The following RNF212 variants were observed in gnomAD, a reference collection of about 807,000 sequenced individuals.
RNF212 encodes the protein probable E3 SUMO-protein ligase RNF212.
Under a neutral mutation model 34.7 loss-of-function variants are expected in RNF212, and 33 were observed. The ratio of observed to expected loss-of-function variants is 0.95; its 90% CI spans 0.72 to 1.27. The LOEUF is 1.27. RNF212 is among the 50% of genes most tolerant of loss of function. The probability of loss-of-function intolerance (pLI) is 0.00; values close to 1 mark genes in which losing one functional copy is unlikely to be tolerated. For synonymous variants in RNF212, 140 were observed against 136.1 expected (o/e 1.03, Z -0.20); for missense variants, 377 against 362.2 (o/e 1.04, Z -0.33).
intron 8 of RNF212, among the ~76,000 whole-genome samples, 153 bp downstream of exon 8, chr4:1,079,490 C>A (rs1386509176): frequency 6.6e-6 from 1 of 152,234 alleles, no homozygotes; most frequent in Non-Finnish European, 1.5e-5. Flanking sequence ...CCACAGCCCA[C>A]CCCTCTCACC....
chr4:1,079,500 C>T (rs1163296528), intron 8 of RNF212, 143 bp downstream of exon 8: 3 of 701,804 alleles, frequency 4.3e-6, no homozygotes, highest in Admixed American at 3.8e-5. Context: ...CCCCTCTCAC[C>T]CACGGGACCA....
intron 5 of RNF212, among the ~76,000 whole-genome samples, chr4:1,085,313 C>T (rs1412348053): frequency 6.6e-6 from 1 of 152,190 alleles, no homozygotes. Flanking sequence ...GGCAAAAGCA[C>T]GGATGAGCTA....
chr4:1,111,925 T>C (rs561813659), intron 1 of RNF212, among the ~76,000 whole-genome samples: 2 of 152,164 alleles, frequency 1.3e-5, no homozygotes, highest in South Asian at 4.2e-4. Context: ...TGAACTACAG[T>C]TACATACAAA....
Position 1,079,531 on chromosome 4 carries a change from G to A in RNF212, c.510+112C>T, listed in dbSNP as rs1386125374. On this transcript the variant is annotated intron_variant, in intron 8 of 9. Transcript: ENST00000433731. ...GACCAGCACACGAAGCAGCAGCACT[G>A]TGCAAAGTCTGTCTACTGTTGCACG... 6.2e-6 allele frequency: 5 copies of A among 801,672 alleles called. 1 individual carries two copies. The highest frequency in any genetic ancestry group is 4.1e-5 in the South Asian group (3 of 72,542). The allele number at this position is 801,672 out of a possible 1,614,324, so 49.7% of individuals were successfully genotyped here. A position where few individuals can be genotyped will look rare whatever the true frequency, so the allele number is the denominator to read the frequency against.
chr4:1,076,377 A>C, intron 8 of RNF212, among the ~76,000 whole-genome samples: 1 of 152,106 alleles, frequency 6.6e-6, no homozygotes, highest in East Asian at 1.9e-4. Context: ...CTCCGAGTCC[A>C]CCCAATGAGA....
chr4:1,057,485 C>T (rs565937582), intron 4 of RNF212, among the ~76,000 whole-genome samples: 6 of 152,196 alleles, frequency 3.9e-5, no homozygotes, highest in South Asian at 2.1e-4. Flanking sequence ...TGGTCTGTTC[C>T]GGGGCTGGGG....
Position 1,087,791 on chromosome 4 carries a change from G to A in RNF212, c.304-1837C>T, listed in dbSNP as rs188409220. 1.1e-3 allele frequency among the ~76,000 whole-genome samples: 172 copies of A among 151,948 alleles called. No homozygotes were observed. In the South Asian group the frequency reaches 0.014, roughly 12 times the overall value. On this transcript the variant is annotated intron_variant, in intron 4 of 9. Coordinates refer to ENST00000433731, the MANE Select transcript of RNF212 (RefSeq NM_001131034.4). ...TGTTCTCATGACAGTGAGTTCTCAC[G>A]AGATCTGATGGTTTAAAAGTGTTTG...
chr4:1,071,329 A>G (rs1405217368), downstream of RNF212: 1 of 152,152 alleles, frequency 6.6e-6, no homozygotes, highest in East Asian at 1.9e-4. Context: ...AGTATTTTCA[A>G]AATAAATTAT....
chr4:1,111,119 C>G (rs1220011481), intron 1 of RNF212, among the ~76,000 whole-genome samples: 1 of 152,216 alleles, frequency 6.6e-6, no homozygotes, highest in Non-Finnish European at 1.5e-5. Context: ...GCCCTCCTCA[C>G]TGGTCCAATG....
intron 3 of RNF212, among the ~76,000 whole-genome samples, chr4:1,064,646 T>C (rs1717971175): frequency 6.6e-6 from 1 of 152,212 alleles, no homozygotes; most frequent in Admixed American, 6.5e-5. Context: ...TTTGAAAATT[T>C]ATGATGATAC....
At chr4:1,103,964 T>C (rs924141201) in intron 2 of RNF212, among the ~76,000 whole-genome samples, 5 of 151,828 alleles carry the variant, frequency 3.3e-5, no homozygotes, top group Middle Eastern at 3.2e-3. Context: ...TGTTGGCGTA[T>C]GTAAATGTTC....
At chr4:1,092,397 G>C (rs968495256) in intron 3 of RNF212, among the ~76,000 whole-genome samples, 4 of 152,226 alleles carry the variant, frequency 2.6e-5, no homozygotes, top group South Asian at 2.1e-4. Flanking sequence ...CATGAGCTTG[G>C]GGGGCAGCCA....
intron 3 of RNF212, among the ~76,000 whole-genome samples, chr4:1,092,677 A>G (rs920718743): frequency 6.6e-6 from 1 of 152,326 alleles, no homozygotes; most frequent in East Asian, 1.9e-4. Context: ...CAATGAAATC[A>G]TTGCAAAACT....
chr4:1,060,896 A>C (rs1224166825), intron 3 of RNF212, among the ~76,000 whole-genome samples: 1 of 152,232 alleles, frequency 6.6e-6, no homozygotes, highest in Non-Finnish European at 1.5e-5. Context: ...CCTGCCGTTC[A>C]ACAACTCATT....
At chr4:1,066,569 G>A (rs368568947), downstream of RNF212, among the ~76,000 whole-genome samples, 69 of 152,184 alleles carry the variant, frequency 4.5e-4, no homozygotes, top group Non-Finnish European at 6.5e-4. Flanking sequence ...GAGCTCAAGC[G>A]ATCCTTTTGC....
At chr4:1,106,322 C>CT (rs778460970) in intron 2 of RNF212, among the ~76,000 whole-genome samples, 1 of 151,398 alleles carries the variant, frequency 6.6e-6, no homozygotes, top group Admixed American at 6.6e-5. Context: ...GAACACACGC[C>CT]TTTTTAAACA....
At chr4:1,105,392 C>T (rs187646399) in intron 2 of RNF212, among the ~76,000 whole-genome samples, 2 of 152,350 alleles carry the variant, frequency 1.3e-5, no homozygotes, top group Admixed American at 1.3e-4. Context: ...CCAACCAATA[C>T]GGTGGTGCCC....
intron 4 of RNF212, chr4:1,056,861 C>T: frequency 2.0e-6 from 2 of 987,976 alleles, no homozygotes; most frequent in Non-Finnish European, 2.4e-6. Context: ...CTGCAGCAGG[C>T]TGGGGATGCT....
chr4:1,064,310 A>C (rs1717946441), intron 3 of RNF212, among the ~76,000 whole-genome samples: 1 of 152,248 alleles, frequency 6.6e-6, no homozygotes, highest in Non-Finnish European at 1.5e-5. Context: ...TGTTCACCTC[A>C]GTGAGTGTTC....
Sources: allele counts gnomAD v4.1 joint callset (sites outside exome capture counted in the v4.1 genomes callset), GRCh38; gene constraint gnomAD v4.1.1; transcripts MANE v1.5; gene names NCBI Gene and HGNC (gene_info 2026-07-23, HGNC 2026-07-21).